PTPRD: variants seen among roughly 807,000 people sequenced by gnomAD.
The protein encoded by PTPRD is receptor-type tyrosine-protein phosphatase delta.
PTPRD carries 34 observed loss-of-function variants against 214.5 expected under a neutral mutation model. That is an observed-to-expected ratio of 0.16 (90% confidence interval 0.12 to 0.21). The LOEUF is 0.21. Ranked by LOEUF, PTPRD falls within the 10% of genes least tolerant of loss-of-function variation. The probability of loss-of-function intolerance (pLI) is 1.00; values close to 1 mark genes in which losing one functional copy is unlikely to be tolerated. For missense variants in PTPRD, 2,545 were observed against 2,398.7 expected, an observed-to-expected ratio of 1.06 and a Z score of -1.27; for synonymous variants, 1,128 against 845.7, an observed-to-expected ratio of 1.33 and a Z score of -5.79.
intron 3 of PTPRD, among the ~76,000 whole-genome samples, chr9:10,271,820 G>A (rs1431621042): frequency 1.3e-5 from 2 of 151,986 alleles, no homozygotes; most frequent in Non-Finnish European, 2.9e-5. Flanking sequence ...TGGGATTACA[G>A]GTGTGAGACA....
At chr9:10,517,200 C>G (rs1044227035) in intron 2 of PTPRD, among the ~76,000 whole-genome samples, 1 of 151,900 alleles carries the variant, frequency 6.6e-6, no homozygotes, top group Non-Finnish European at 1.5e-5. Context: ...AATTCATGAA[C>G]ATGGGATGTA....
intron 2 of PTPRD, among the ~76,000 whole-genome samples, chr9:10,385,561 T>C (rs999933785): frequency 2.6e-5 from 4 of 151,780 alleles, no homozygotes; most frequent in Non-Finnish European, 5.9e-5. Context: ...TTCCTGAAAA[T>C]GAAAGATGTT....
At chr9:9,619,872 TAA>T (rs2095136737) in intron 7 of PTPRD, among the ~76,000 whole-genome samples, 1 of 148,864 alleles carries the variant, frequency 6.7e-6, no homozygotes, top group African/African-American at 2.4e-5. Flanking sequence ...CATCTATATA[TAA>T]TATAGATGTT....
rs114497436 is a variant in PTPRD, at chr9:8,776,169, C to A, written c.-103-42223G>T. Among the ~76,000 whole-genome samples the A allele has an allele frequency of 3.6e-3, 544 of 152,244 alleles. 2 individuals are homozygous for A. Among genetic ancestry groups the A allele is most frequent in the African/African-American group, 0.013 (528 of 41,538 alleles). ...GTCCCAGGATGGAAGAGTAGAAGGACCGCACCCTGATTTTGGGACAGTGAA... is the reference window on the plus strand; with the variant it reads ...GTCCCAGGATGGAAGAGTAGAAGGAACGCACCCTGATTTTGGGACAGTGAA... On this transcript the variant is annotated intron_variant, in intron 11 of 45. Coordinates refer to ENST00000381196, the MANE Select transcript of PTPRD (RefSeq NM_002839.4).
At chr9:10,207,959 T>A (rs1024501462) in intron 3 of PTPRD, among the ~76,000 whole-genome samples, 15 of 152,346 alleles carry the variant, frequency 9.8e-5, no homozygotes, top group African/African-American at 3.4e-4. Context: ...CATTCAGAGT[T>A]GTTTCCTTGG....
intron 12 of PTPRD, among the ~76,000 whole-genome samples, chr9:8,698,905 C>T (rs931913805): frequency 2.0e-5 from 3 of 151,498 alleles, no homozygotes; most frequent in African/African-American, 7.3e-5. Context: ...TAAACATCAT[C>T]TCAAAACTGG....
intron 20 of PTPRD, among the ~76,000 whole-genome samples, chr9:8,520,732 A>G (rs981055634): frequency 5.3e-5 from 8 of 152,178 alleles, no homozygotes; most frequent in Non-Finnish European, 1.5e-5. Context: ...TTGAGCACTC[A>G]TCTATGCAAG....
intron 12 of PTPRD, among the ~76,000 whole-genome samples, chr9:8,686,137 G>A (rs150495042): frequency 3.6e-4 from 55 of 152,290 alleles, no homozygotes; most frequent in East Asian, 1.9e-3. Flanking sequence ...AGTGCACAGC[G>A]TACAATATGA....
chr9:10,584,275 G>C (rs1395241513), intron 2 of PTPRD, among the ~76,000 whole-genome samples: 1 of 151,912 alleles, frequency 6.6e-6, no homozygotes, highest in Non-Finnish European at 1.5e-5. Flanking sequence ...AACTGTATTT[G>C]GCTCCTATCC....
At chr9:9,588,928 A>C (rs1287769273) in intron 7 of PTPRD, among the ~76,000 whole-genome samples, 1 of 151,926 alleles carries the variant, frequency 6.6e-6, no homozygotes, top group East Asian at 1.9e-4. Flanking sequence ...GTGACTTAGA[A>C]CATTTTAATA....
chr9:9,638,111 A>C (rs1257514225), intron 7 of PTPRD, among the ~76,000 whole-genome samples: 4 of 152,132 alleles, frequency 2.6e-5, no homozygotes, highest in Non-Finnish European at 5.9e-5. Context: ...TTCTATCCAT[A>C]CTAATATCCA....
intron 30 of PTPRD, among the ~76,000 whole-genome samples, chr9:8,474,689 T>TG (rs1461503617): frequency 6.6e-6 from 1 of 152,210 alleles, no homozygotes; most frequent in East Asian, 1.9e-4. Context: ...CCTGAAACCC[T>TG]GGACGTTCAA....
intron 5 of PTPRD, among the ~76,000 whole-genome samples, chr9:9,922,603 T>A (rs1407008013): frequency 1.3e-5 from 2 of 151,990 alleles, no homozygotes; most frequent in Non-Finnish European, 2.9e-5. Flanking sequence ...ATATTACACA[T>A]AACCAATGTT....
At chr9:9,344,190 A>T (rs1369219617) in intron 9 of PTPRD, among the ~76,000 whole-genome samples, 1 of 152,178 alleles carries the variant, frequency 6.6e-6, no homozygotes, top group Non-Finnish European at 1.5e-5. Flanking sequence ...CCATGGATGA[A>T]GCTGGAAACC....
At chr9:9,806,472 C>A (rs190476614) in intron 5 of PTPRD, among the ~76,000 whole-genome samples, 6 of 152,174 alleles carry the variant, frequency 3.9e-5, no homozygotes, top group South Asian at 2.1e-4. Flanking sequence ...ACACCCTCCC[C>A]GCCCTTGTGA....
intron 10 of PTPRD, among the ~76,000 whole-genome samples, chr9:9,154,888 T>C (rs12350330): frequency 0.32 from 48,669 of 152,148 alleles, 8,439 homozygotes; most frequent in Non-Finnish European, 0.39. Context: ...TTAGGTAGAA[T>C]TTTTTAATTT....
chr9:9,644,417 T>C (rs1426744598), intron 7 of PTPRD, among the ~76,000 whole-genome samples: 4 of 152,232 alleles, frequency 2.6e-5, no homozygotes, highest in Non-Finnish European at 4.4e-5. Flanking sequence ...CATGCTTAGA[T>C]TGCTTTATTC....
At chr9:9,490,943 C>A (rs1285460923) in intron 8 of PTPRD, among the ~76,000 whole-genome samples, 1 of 143,482 alleles carries the variant, frequency 7.0e-6, no homozygotes, top group East Asian at 2.0e-4. Context: ...AATGTACTGT[C>A]TAAATGAACT....
At chr9:9,515,457 T>G (rs953270810) in intron 8 of PTPRD, among the ~76,000 whole-genome samples, 1 of 152,110 alleles carries the variant, frequency 6.6e-6, no homozygotes, top group Non-Finnish European at 1.5e-5. Context: ...CATCAACTAC[T>G]TTAAAATGAA....
Sources: allele counts gnomAD v4.1 joint callset (sites outside exome capture counted in the v4.1 genomes callset), GRCh38; gene constraint gnomAD v4.1.1; transcripts MANE v1.5; gene names NCBI Gene and HGNC (gene_info 2026-07-23, HGNC 2026-07-21).